Variants in PPARGC1B observed in about 807,000 individuals in gnomAD.
PPARGC1B encodes the protein peroxisome proliferator-activated receptor gamma coactivator 1-beta.
In PPARGC1B, 34 loss-of-function variants were observed where a neutral mutation model predicts 101.6. That is an observed-to-expected ratio of 0.33 (90% CI 0.25 to 0.45). PPARGC1B has a LOEUF of 0.45. Ranked by LOEUF, PPARGC1B falls within the 20% of genes least tolerant of loss-of-function variation. PPARGC1B has a pLI of 1.00. For missense variants in PPARGC1B, 1,234 were observed against 1,317.6 expected (o/e 0.94, Z 0.98); for synonymous variants, 548 against 539.3 (o/e 1.02, Z -0.22).
chr5:149,821,996 C>T (rs530496947), intron 2 of PPARGC1B, among the ~76,000 whole-genome samples: 1 of 152,302 alleles, frequency 6.6e-6, no homozygotes, highest in South Asian at 2.1e-4. Flanking sequence ...AACCCACACC[C>T]CTCACCGCTA....
intron 2 of PPARGC1B, 88 bp from the exon 3 acceptor site, chr5:149,826,585 C>A (rs2113375790): frequency 9.6e-7 from 1 of 1,040,062 alleles, no homozygotes; most frequent in Non-Finnish European, 1.5e-6. Flanking sequence ...CTGGGCAGAG[C>A]TGGTGTCCAC....
Position 149,836,549 on chromosome 5 carries a change from C to G in PPARGC1B, c.2094C>G (p.Leu698=), listed in dbSNP as rs1178414097. 1.2e-6 allele frequency: 2 copies of G among 1,613,986 alleles called. No individual in the cohort carries two copies. The highest frequency in any genetic ancestry group is 1.7e-6 in the Non-Finnish European group (2 of 1,180,048). The part of the protein sequence containing the change: ...SFGDHDYCQV[L]RPEGVLQRKV... ...GAGACCATGACTACTGCCAGGTGCT[C>G]CGACCAGAAGGCGTCCTGCAAAGGA... The change falls in exon 8 of 12, where the codon CTC becomes CTG. Residue 698 remains leucine, a synonymous_variant. Coordinates refer to ENST00000309241, the MANE Select transcript of PPARGC1B (RefSeq NM_133263.4).
rs769871926 is a variant in PPARGC1B at position 149,847,400 on chromosome 5, T to A, written c.2972-58T>A. 3.2e-6 allele frequency: 4 copies of A among 1,267,822 alleles called. No homozygotes were observed. The African/African-American group carries it at 5.9e-5, about 19-fold the overall frequency. 78.5% of individuals were successfully genotyped at this position (1,267,822 alleles called of 1,614,324 possible). On this transcript the variant is annotated intron_variant, in intron 11 of 11. Coordinates refer to ENST00000309241, the MANE Select transcript of PPARGC1B (RefSeq NM_133263.4). ...AGTGGCAGATTCTTCAACCATCCGG[T>A]CTTTGTAAGTTGCTCACTGCCTTCC... is the stretch of plus-strand genomic sequence containing the variant.
chr5:149,829,108 G>GC (rs751454746), intron 3 of PPARGC1B, among the ~76,000 whole-genome samples: 3 of 152,138 alleles, frequency 2.0e-5, no homozygotes, highest in Non-Finnish European at 4.4e-5. Flanking sequence ...TGGACCTCAG[G>GC]TTGGGCCATG....
intron 1 of PPARGC1B, among the ~76,000 whole-genome samples, chr5:149,757,336 GT>G (rs1387692912): frequency 2.2e-5 from 3 of 137,698 alleles, no homozygotes; most frequent in African/African-American, 8.0e-5. Flanking sequence ...AAGAAACCTG[GT>G]GTGTTTGAGC....
chr5:149,775,360 A>G (rs1756318169), intron 1 of PPARGC1B, among the ~76,000 whole-genome samples: 2 of 152,110 alleles, frequency 1.3e-5, no homozygotes, highest in African/African-American at 4.8e-5. Context: ...GCAGGTCTTC[A>G]ACTTCTTTCC....
chr5:149,732,043 C>T (rs1754503063), intron 1 of PPARGC1B, among the ~76,000 whole-genome samples: 2 of 83,054 alleles, frequency 2.4e-5, no homozygotes, highest in Admixed American at 1.3e-4. Flanking sequence ...GTTGCGCGCG[C>T]GGGTGTGTGT....
At chr5:149,823,146 T>G (rs1025443739) in intron 2 of PPARGC1B, among the ~76,000 whole-genome samples, 5 of 152,110 alleles carry the variant, frequency 3.3e-5, no homozygotes, top group African/African-American at 1.2e-4. Flanking sequence ...ATTTCTAGAG[T>G]AAGGCAGGTA....
At chr5:149,757,891 C>A (rs62382279) in intron 1 of PPARGC1B, among the ~76,000 whole-genome samples, 17,423 of 152,282 alleles carry the variant, frequency 0.11, 1,326 homozygotes, top group Admixed American at 0.23. Context: ...CTTGGACTCC[C>A]ATGGACCCCA....
intron 1 of PPARGC1B, among the ~76,000 whole-genome samples, chr5:149,775,545 C>A (rs375595964): frequency 8.1e-4 from 124 of 152,296 alleles, no homozygotes; most frequent in African/African-American, 2.8e-3. Flanking sequence ...CACACTCTTA[C>A]CCCTGAGCTC....
intron 3 of PPARGC1B, 61 bp from the exon 4 acceptor site, chr5:149,830,706 C>T: frequency 1.6e-6 from 2 of 1,247,458 alleles, no homozygotes; most frequent in Non-Finnish European, 2.4e-6. Flanking sequence ...GCTGGCCATG[C>T]AGTCCATGTC....
chr5:149,792,772 G>T (rs1353703797), intron 1 of PPARGC1B, among the ~76,000 whole-genome samples: 2 of 151,958 alleles, frequency 1.3e-5, no homozygotes, highest in Admixed American at 1.3e-4. Context: ...CATTCATTCA[G>T]TCAGTCTGCA....
intron 1 of PPARGC1B, among the ~76,000 whole-genome samples, chr5:149,768,662 C>T (rs963791822): frequency 8.0e-6 from 1 of 124,654 alleles, no homozygotes; most frequent in Non-Finnish European, 1.9e-5. Flanking sequence ...ACTACAGGCG[C>T]CCACCACCAT....
At position 149,851,764 on chromosome 5, in the gene PPARGC1B, G is replaced by A. The variant is rs949964727; in HGVS notation, c.*4206G>A. 6.6e-6 allele frequency: 1 copy of A among 152,240 alleles called. No individual in the cohort carries two copies. Among genetic ancestry groups the A allele is most frequent in the Non-Finnish European group, 1.5e-5 (1 of 68,088 alleles). 9.4% of individuals were successfully genotyped at this position (152,240 alleles called of 1,614,324 possible). A position where few individuals can be genotyped will look rare whatever the true frequency, so the allele number is the denominator to read the frequency against. On this transcript the variant is annotated 3_prime_UTR_variant, in exon 12 of 12. Transcript: ENST00000309241. ...TTGGAGGTACCGGGTAAATGGAGGG[G>A]AGCTGCAGAGTTGGAAACCCACATG...
chr5:149,795,485 G>A lies in PPARGC1B; in HGVS notation c.79-24948G>A, dbSNP rs781412962. Among the ~76,000 whole-genome samples, 3 of 152,216 alleles carry A rather than the reference G, an allele frequency of 2.0e-5. No individual in the cohort carries two copies. In the South Asian group the frequency reaches 6.2e-4, roughly 32 times the overall value. On this transcript the variant is annotated intron_variant, in intron 1 of 11. Coordinates refer to ENST00000309241, the MANE Select transcript of PPARGC1B (RefSeq NM_133263.4). The stretch of plus-strand genomic sequence containing the variant: ...AGTCTCAAGCTGGAGAATTACCTAA[G>A]AGAGGACATTTCACAGCTCTGGAAA...
intron 1 of PPARGC1B, among the ~76,000 whole-genome samples, chr5:149,776,372 TA>T (rs1756361235): frequency 6.6e-6 from 1 of 152,270 alleles, no homozygotes; most frequent in African/African-American, 2.4e-5. Flanking sequence ...AGGTTTTTTT[TA>T]TTTATTTATT....
At chr5:149,820,728 CAA>C (rs77002482) in intron 2 of PPARGC1B, 122 bp downstream of exon 2, 54,611 of 1,019,002 alleles carry the variant, frequency 0.054, 2,425 homozygotes, top group Admixed American at 0.2. Context: ...CCTCACCCAC[CAA>C]AGCTGTTGGG....
chr5:149,836,772 A>ACCG lies in PPARGC1B; in HGVS notation c.2320_2322dup (p.Ala774dup). On this transcript the variant is annotated inframe_insertion, in exon 8 of 12. Transcript: ENST00000309241. ...CACCAAACACTTTGGGCTGCTGGAG[A>ACCG]CCGCCCTGGAGGAGGAAGACCTGGC... 6.2e-7 allele frequency: 1 copy of ACCG among 1,613,602 alleles called. No individual in the cohort carries two copies. Among genetic ancestry groups the ACCG allele is most frequent in the Non-Finnish European group, 8.5e-7 (1 of 1,180,014 alleles).
At chr5:149,757,348 A>G (rs113035377) in intron 1 of PPARGC1B, among the ~76,000 whole-genome samples, 4,009 of 148,776 alleles carry the variant, frequency 0.027, 162 homozygotes, top group African/African-American at 0.093. Context: ...GTGTTTGAGC[A>G]TTTTTTTTTT....
Sources: allele counts gnomAD v4.1 joint callset (sites outside exome capture counted in the v4.1 genomes callset), GRCh38; gene constraint gnomAD v4.1.1; transcripts MANE v1.5; gene names NCBI Gene and HGNC (gene_info 2026-07-23, HGNC 2026-07-21).